FUT8: variants seen among roughly 807,000 people sequenced by gnomAD.
FUT8 encodes alpha-(1,6)-fucosyltransferase.
FUT8 carries 29 observed loss-of-function variants against 71.3 expected under a neutral mutation model. That is an observed-to-expected ratio of 0.41 (90% CI 0.30 to 0.55). The LOEUF (loss-of-function observed/expected upper bound fraction) is 0.55, where lower values mean the gene tolerates loss of function less well. Among genes scored for constraint, FUT8 ranks in the 20% least tolerant of loss-of-function variants. FUT8 has a pLI of 0.34. For synonymous variants in FUT8, 254 were observed against 239.3 expected (o/e 1.06, Z -0.57); for missense variants, 544 against 702.1 (o/e 0.77, Z 2.55).
rs912251679 is a variant in FUT8, at chr14:65,585,223, C to T, written c.203+23457C>T. Among the ~76,000 whole-genome samples, 3 of 152,088 alleles carry T rather than the reference C, an allele frequency of 2.0e-5. No homozygotes were observed. The East Asian group carries it at 5.8e-4, about 29-fold the overall frequency. Reference sequence around the variant, plus strand: ...TAAGTTTTCTTTAAAGGCAGGGTTTCACTCTGCTGTCCAGGCTGGAATGCA... The same window carrying T: ...TAAGTTTTCTTTAAAGGCAGGGTTTTACTCTGCTGTCCAGGCTGGAATGCA... On this transcript the variant is annotated intron_variant, in intron 3 of 10. Coordinates refer to ENST00000673929, the MANE Select transcript of FUT8 (RefSeq NM_001371533.1).
At position 65,630,328 on chromosome 14, in the gene FUT8, C is replaced by G. The variant is rs570331551; in HGVS notation, c.597+722C>G. Among the ~76,000 whole-genome samples the G allele has an allele frequency of 1.2e-4, 19 of 152,214 alleles. No individual in the cohort carries two copies. The South Asian group carries it at 3.7e-3, about 30-fold the overall frequency. On this transcript the variant is annotated intron_variant, in intron 6 of 10. Coordinates refer to ENST00000673929, the MANE Select transcript of FUT8 (RefSeq NM_001371533.1). ...CTCAGACCCTTTAAAATTAATTTCA[C>G]TTTGTTTTTTGTGTTCTTTTCTAGT...
chr14:65,389,182 T>G, the FUT8 span, among the ~76,000 whole-genome samples: 1 of 139,088 alleles, frequency 7.2e-6, no homozygotes, highest in Non-Finnish European at 1.5e-5. Flanking sequence ...CATATATATA[T>G]AAAAAAATTA....
chr14:65,377,116 A>G, the FUT8 span, among the ~76,000 whole-genome samples: 4,079 of 152,272 alleles, frequency 0.027, 177 homozygotes, highest in African/African-American at 0.093. Context: ...ATTGAGATAC[A>G]TTTCATTCAG....
chr14:65,559,621 T>C (rs1032491143), intron 2 of FUT8, among the ~76,000 whole-genome samples: 6 of 152,150 alleles, frequency 3.9e-5, no homozygotes, highest in Non-Finnish European at 8.8e-5. Context: ...TGTCTCAAAA[T>C]TACTGTTAAT....
In FUT8 at chr14:65,616,065, T is replaced by C. The variant is rs148663770; in HGVS notation, c.291T>C (p.Ile97=). Residue 97 remains isoleucine (I), a synonymous_variant, in exon 4 of 11, where the codon ATT becomes ATC. Coordinates refer to ENST00000673929, the MANE Select transcript of FUT8 (RefSeq NM_001371533.1). ...EEQLVKAKEQ[I]ENYKKQTRNG... ...AGCTTGTTAAGGCCAAAGAACAGAT[T>C]GAAAATTACAAGAAACAGACCAGAA... The C allele has an allele frequency of 6.2e-7, 1 of 1,613,786 alleles. No individual in the cohort carries two copies. The highest frequency in any genetic ancestry group is 1.3e-5 in the African/African-American group (1 of 74,916).
rs1037340127 is a variant in FUT8 at position 65,455,708 on chromosome 14, G to C, written c.-238G>C. ...ATTTTTTGCCTTTGTTGATTAACTG[G>C]ACAAATTCAGGTTAGTGTATTTTGT... On this transcript the variant is annotated 5_prime_UTR_variant, in exon 2 of 11. Transcript: ENST00000673929. The C allele has an allele frequency of 2.5e-6, 1 of 398,058 alleles. No homozygotes were observed. Among genetic ancestry groups the C allele is most frequent in the African/African-American group, 2.1e-5 (1 of 48,574 alleles). 24.7% of individuals were successfully genotyped at this position (398,058 alleles called of 1,614,324 possible). A position where few individuals can be genotyped will look rare whatever the true frequency, so the allele number is the denominator to read the frequency against.
chr14:65,363,486 A>G, the FUT8 span, among the ~76,000 whole-genome samples: 1 of 152,048 alleles, frequency 6.6e-6, no homozygotes, highest in Admixed American at 6.6e-5. Flanking sequence ...CGAACTCCTG[A>G]CCTCAGGTGA....
chr14:65,701,064 C>T (rs188909106), intron 7 of FUT8, among the ~76,000 whole-genome samples: 2 of 152,160 alleles, frequency 1.3e-5, no homozygotes, highest in African/African-American at 4.8e-5. Flanking sequence ...ATTTCACTGA[C>T]AAGAATAATG....
chr14:65,558,325 CA>C (rs67556145), intron 2 of FUT8, among the ~76,000 whole-genome samples: 88,070 of 118,068 alleles, frequency 0.75, 31,120 homozygotes, highest in East Asian at 0.96. Flanking sequence ...GAGCGAGACT[CA>C]AAAAAAAAAA....
the FUT8 span, among the ~76,000 whole-genome samples, chr14:65,371,100 G>C: frequency 0.012 from 1,885 of 152,300 alleles, 17 homozygotes; most frequent in South Asian, 0.024. Context: ...AGTCAAATGG[G>C]AGTGTGGGAG....
At chr14:65,706,425 G>A (rs1894555234) in intron 7 of FUT8, among the ~76,000 whole-genome samples, 1 of 152,198 alleles carries the variant, frequency 6.6e-6, no homozygotes, top group African/African-American at 2.4e-5. Flanking sequence ...GCTAAGGGCA[G>A]ATAAGAGTGT....
At chr14:65,618,426 C>G (rs1158329247) in intron 5 of FUT8, among the ~76,000 whole-genome samples, 5 of 151,822 alleles carry the variant, frequency 3.3e-5, no homozygotes, top group Admixed American at 2.6e-4. Flanking sequence ...TCATTGAAAA[C>G]AAAAATGGTA....
intron 1 of FUT8, among the ~76,000 whole-genome samples, chr14:65,425,229 G>A (rs537736304): frequency 7.8e-4 from 118 of 150,898 alleles, no homozygotes; most frequent in Non-Finnish European, 1.1e-3. Context: ...GCAATGGCAC[G>A]AACTCGGCTC....
intron 5 of FUT8, among the ~76,000 whole-genome samples, chr14:65,619,359 T>C (rs1334738281): frequency 1.3e-5 from 2 of 152,138 alleles, no homozygotes; most frequent in Non-Finnish European, 2.9e-5. Context: ...TGTTGCCCAC[T>C]TGAAGCTGTT....
At chr14:65,540,625 A>G (rs1241788520) in intron 2 of FUT8, among the ~76,000 whole-genome samples, 3 of 152,198 alleles carry the variant, frequency 2.0e-5, no homozygotes, top group African/African-American at 4.8e-5. Flanking sequence ...CCAAATCTCA[A>G]TATTGCTTAA....
At chr14:65,576,923 GT>G (rs1886818879) in intron 3 of FUT8, among the ~76,000 whole-genome samples, 1 of 151,534 alleles carries the variant, frequency 6.6e-6, no homozygotes, top group African/African-American at 2.4e-5. Context: ...TTTTTACCGT[GT>G]TATCTCCTGA....
chr14:65,644,665 A>G (rs911526628), intron 6 of FUT8, among the ~76,000 whole-genome samples: 1 of 152,130 alleles, frequency 6.6e-6, no homozygotes, highest in Admixed American at 6.5e-5. Flanking sequence ...CCGGCCAATT[A>G]TATTCTTTAA....
chr14:65,516,564 A>C (rs943168259), intron 2 of FUT8, among the ~76,000 whole-genome samples: 1 of 152,102 alleles, frequency 6.6e-6, no homozygotes, highest in African/African-American at 2.4e-5. Context: ...TTTTTTCAGG[A>C]AACCAGATAC....
chr14:65,654,546 G>A (rs1208661378), intron 6 of FUT8, among the ~76,000 whole-genome samples: 3 of 151,492 alleles, frequency 2.0e-5, no homozygotes, highest in Admixed American at 2.0e-4. Context: ...AGCTGAGTTC[G>A]TGCCACTACA....
Sources: allele counts gnomAD v4.1 joint callset (sites outside exome capture counted in the v4.1 genomes callset), GRCh38; gene constraint gnomAD v4.1.1; transcripts MANE v1.5; gene names NCBI Gene and HGNC (gene_info 2026-07-23, HGNC 2026-07-21).